Variants in CDC27 observed in about 807,000 individuals in gnomAD.
CDC27 encodes the protein cell division cycle 27.
In CDC27, 27 loss-of-function variants were observed where a neutral mutation model predicts 109.7. The ratio of observed to expected loss-of-function variants is 0.25; its 90% CI spans 0.18 to 0.34. CDC27 has a LOEUF of 0.34. Among genes scored for constraint, CDC27 ranks in the 10% least tolerant of loss-of-function variants. CDC27 has a pLI of 1.00. For missense variants in CDC27, 579 were observed against 960.2 expected, an observed-to-expected ratio of 0.60 and a Z score of 5.25; for synonymous variants, 266 against 333.9, an observed-to-expected ratio of 0.80 and a Z score of 2.22.
Position 47,132,248 on chromosome 17 carries a change from G to A in CDC27, c.2031+9C>T, listed in dbSNP as rs79909660. 7.4e-4 allele frequency: 951 copies of A among 1,283,082 alleles called. 18 individuals carry two copies. The East Asian group carries it at 0.022, about 29-fold the overall frequency. The allele number at this position is 1,283,082 out of a possible 1,614,324, so 79.5% of individuals were successfully genotyped here. ...TTAATAGAGTATTAATGTTTAGAAA[G>A]CTACTTACTACTCCAATGTGGCAAA... On this transcript the variant is annotated intron_variant, in intron 15 of 18. Coordinates refer to ENST00000066544, the MANE Select transcript of CDC27 (RefSeq NM_001256.6).
At chr17:47,132,759 A>ATTT (rs1485209641) in intron 14 of CDC27, among the ~76,000 whole-genome samples, 7 of 134,836 alleles carry the variant, frequency 5.2e-5, no homozygotes, top group Admixed American at 7.9e-5. Flanking sequence ...TATTATTATT[A>ATTT]TTATTATTAT....
At position 47,142,032 on chromosome 17, in the gene CDC27, G is replaced by A. The variant is rs779501896; in HGVS notation, c.1379-7C>T. 318 of 1,572,688 alleles carry A rather than the reference G, an allele frequency of 2.0e-4. No individual in the cohort carries two copies. Among genetic ancestry groups the A allele is most frequent in the Non-Finnish European group, 2.7e-4 (309 of 1,163,080 alleles). On this transcript the variant is annotated splice_region_variant and splice_polypyrimidine_tract_variant and intron_variant, in intron 11 of 18. Transcript: ENST00000066544. ...AGAAGGCTCATCAAACCTTCTAGGA[G>A]AAAACAACATAGTAAACAAAGGAAA...
chr17:47,189,090 T>C, intron 1 of CDC27, 56 bp downstream of exon 1: 3 of 1,589,682 alleles, frequency 1.9e-6, no homozygotes, highest in South Asian at 2.2e-5. Flanking sequence ...GGCCCTACGC[T>C]GCTGCTTCCC....
At chr17:47,148,256 G>A (rs1336044475) in intron 9 of CDC27, among the ~76,000 whole-genome samples, 2 of 150,770 alleles carry the variant, frequency 1.3e-5, no homozygotes, top group Admixed American at 6.6e-5. Flanking sequence ...AAAGACAAAT[G>A]TCTGCAATAA....
At chr17:47,160,244 T>C (rs1403630146) in intron 4 of CDC27, among the ~76,000 whole-genome samples, 2 of 151,056 alleles carry the variant, frequency 1.3e-5, no homozygotes, top group Admixed American at 1.3e-4. Flanking sequence ...TTTTTTTTTT[T>C]TTCCTGAGAG....
chr17:47,121,785 G>T (rs1198787984), intron 18 of CDC27, among the ~76,000 whole-genome samples: 1 of 150,794 alleles, frequency 6.6e-6, no homozygotes, highest in African/African-American at 2.4e-5. Flanking sequence ...TGTCATCCAG[G>T]TTGGAGTGCA....
intron 3 of CDC27, 152 bp from the exon 4 acceptor site, chr17:47,170,194 C>G (rs1010756498): frequency 5.9e-6 from 3 of 505,244 alleles, no homozygotes; most frequent in South Asian, 6.5e-5. Context: ...ATCCCTCCCT[C>G]TCTCTGTCTT....
intron 8 of CDC27, 30 bp from the exon 9 acceptor site, chr17:47,151,948 G>C (rs1377203186): frequency 1.3e-6 from 2 of 1,586,784 alleles, no homozygotes; most frequent in Admixed American, 3.6e-5. Flanking sequence ...TAAGGTTTGT[G>C]AATTATGGGC....
chr17:47,121,885 G>A (rs941585407), intron 18 of CDC27, among the ~76,000 whole-genome samples: 6 of 151,750 alleles, frequency 4.0e-5, no homozygotes, highest in African/African-American at 7.3e-5. Flanking sequence ...GATTACAGGC[G>A]CCCGCAACCA....
intron 9 of CDC27, 83 bp downstream of exon 9, chr17:47,151,723 G>T: frequency 9.5e-7 from 1 of 1,049,636 alleles, no homozygotes; most frequent in Non-Finnish European, 1.3e-6. Flanking sequence ...GAATCCACGA[G>T]AGTCACTATC....
intron 2 of CDC27, among the ~76,000 whole-genome samples, chr17:47,176,685 G>A (rs889478785): frequency 1.5e-4 from 23 of 152,286 alleles, no homozygotes; most frequent in African/African-American, 4.3e-4. Context: ...ATAAATTTGG[G>A]AGGGGAAAAG....
At chr17:47,172,975 T>C (rs1002004360) in intron 2 of CDC27, among the ~76,000 whole-genome samples, 1 of 152,202 alleles carries the variant, frequency 6.6e-6, no homozygotes. Flanking sequence ...CTTGGAAACT[T>C]GCTAGAAATG....
At chr17:47,165,740 T>C (rs1260208263) in intron 4 of CDC27, among the ~76,000 whole-genome samples, 7 of 152,178 alleles carry the variant, frequency 4.6e-5, no homozygotes, top group Non-Finnish European at 7.4e-5. Flanking sequence ...TGCCTAACCC[T>C]AGCTCATAAA....
intron 3 of CDC27, 64 bp from the exon 4 acceptor site, chr17:47,170,106 T>A: frequency 7.9e-7 from 1 of 1,271,496 alleles, no homozygotes; most frequent in Non-Finnish European, 1.0e-6. Context: ...GTAAACATAT[T>A]CTTCATTACC....
chr17:47,135,901 G>A (rs950892654), intron 14 of CDC27, among the ~76,000 whole-genome samples: 1 of 152,310 alleles, frequency 6.6e-6, no homozygotes, highest in Admixed American at 6.5e-5. Flanking sequence ...CCAGCACTGG[G>A]AGGCCAAAGT....
rs1324716180 is a variant in CDC27 at position 47,138,837 on chromosome 17, T to G, written c.1606A>C (p.Met536Leu). ...CAAAGTGTTGTAGAGTAGATCTCCA[T>G]GCCTTCAACTCTATAATTCTCAATC... ...RRIENYRVEG[M>L]EIYSTTLWHL... is the part of the protein sequence containing the mutation. The change falls in exon 13 of 19, where the codon ATG (methionine) becomes CTG (leucine). Residue 536 changes from methionine (M) to leucine (L), a missense_variant. Met to Leu is a conservative substitution (Grantham distance 15). Transcript: ENST00000066544. 1 of 1,604,900 alleles carries G rather than the reference T, an allele frequency of 6.2e-7. No homozygotes were observed. Among genetic ancestry groups the G allele is most frequent in the East Asian group, 2.2e-5 (1 of 44,744 alleles).
intron 8 of CDC27, among the ~76,000 whole-genome samples, chr17:47,152,504 G>GA (rs1387136279): frequency 6.6e-5 from 10 of 151,498 alleles, no homozygotes; most frequent in East Asian, 3.9e-4. Context: ...TTCCCTTGGA[G>GA]AAAAAAAAAT....
intron 14 of CDC27, among the ~76,000 whole-genome samples, chr17:47,134,087 C>T (rs766471439): frequency 2.6e-5 from 4 of 151,874 alleles, no homozygotes; most frequent in Non-Finnish European, 5.9e-5. Context: ...TTTGTGGAGA[C>T]GAGGTCTCAC....
intron 9 of CDC27, among the ~76,000 whole-genome samples, chr17:47,148,519 C>A (rs867056176): frequency 6.6e-6 from 1 of 152,000 alleles, no homozygotes; most frequent in Admixed American, 6.6e-5. Flanking sequence ...AGAAATAATG[C>A]CCCCAATTTA....
Sources: gnomAD v4.1 joint callset for allele counts (sites outside exome capture counted in the v4.1 genomes callset) on GRCh38, gnomAD v4.1.1 for gene constraint, MANE v1.5 for transcripts, NCBI Gene and HGNC (gene_info 2026-07-23, HGNC 2026-07-21) for gene names.